Variants in DSG1 observed in about 807,000 individuals in gnomAD.
The protein encoded by DSG1 is desmoglein-1.
A neutral mutation model predicts 97.5 loss-of-function variants in DSG1; 39 were observed. The observed-to-expected ratio is 0.40, with a 90% confidence interval of 0.31 to 0.52. The LOEUF is 0.52. DSG1 is among the 20% of genes least tolerant of loss of function. The pLI, the probability that DSG1 is intolerant of heterozygous loss-of-function variation, is 0.53. For synonymous variants in DSG1, 475 were observed against 443.4 expected, an observed-to-expected ratio of 1.07 and a Z score of -0.90; for missense variants, 1,311 against 1,295.4, an observed-to-expected ratio of 1.01 and a Z score of -0.18.
intron 9 of DSG1, 32 bp from the exon 10 acceptor site, chr18:31,338,283 C>G (rs1450641750): frequency 6.2e-7 from 1 of 1,607,428 alleles, no homozygotes; most frequent in Admixed American, 1.7e-5. Context: ...AGATAGCTGA[C>G]ATTAATTTGT....
Position 31,355,557 on chromosome 18 carries a change from T to C in DSG1, c.*211T>C. On this transcript the variant is annotated 3_prime_UTR_variant, in exon 15 of 15. Coordinates refer to ENST00000257192, the MANE Select transcript of DSG1 (RefSeq NM_001942.4). ...ATAAACTTTTCTCTTATATTAGGAC[T>C]AAGGAACTAAAACTTGAGGCAGAGT... 3.4e-6 allele frequency: 2 copies of C among 587,032 alleles called. No homozygotes were observed. Among genetic ancestry groups the C allele is most frequent in the Admixed American group, 5.9e-5 (2 of 34,072 alleles). The allele number at this position is 587,032 out of a possible 1,614,324, so 36.4% of individuals were successfully genotyped here. A position where few individuals can be genotyped will look rare whatever the true frequency, so the allele number is the denominator to read the frequency against.
In DSG1 at chr18:31,344,381, C is replaced by A. The variant is rs150157557; in HGVS notation, c.1891+386C>A. On this transcript the variant is annotated intron_variant, in intron 13 of 14. Coordinates refer to ENST00000257192, the MANE Select transcript of DSG1 (RefSeq NM_001942.4). ...TACACTAATTAAAATTAAAGTACAA[C>A]CCAACTAAAATAGAGCCGTGCTCAT... is the stretch of plus-strand genomic sequence containing the variant. 2.4e-4 allele frequency among the ~76,000 whole-genome samples: 36 copies of A among 152,166 alleles called. 1 individual carries two copies. The highest frequency in any genetic ancestry group is 3.4e-3 in the Middle Eastern group (1 of 294).
chr18:31,326,680 A>G (rs2071687762), intron 2 of DSG1, 64 bp downstream of exon 2: 1 of 1,438,366 alleles, frequency 7.0e-7, no homozygotes, highest in Non-Finnish European at 9.8e-7. Flanking sequence ...GAATAACAAT[A>G]TGTTTTCTGA....
chr18:31,318,726 T>A lies in DSG1; in HGVS notation c.48+378T>A, dbSNP rs1475755532. ...TGTGTCTGGATTTTTAACCTGTTTTTTTTTTTATTTTTTTTGTGTGTTTGG... is the reference window on the plus strand; with the variant it reads ...TGTGTCTGGATTTTTAACCTGTTTTATTTTTTATTTTTTTTGTGTGTTTGG... On this transcript the variant is annotated intron_variant, in intron 1 of 14. Transcript: ENST00000257192. 2.6e-5 allele frequency among the ~76,000 whole-genome samples: 3 copies of A among 116,710 alleles called. No individual in the cohort carries two copies. In the East Asian group the frequency reaches 5.9e-4, roughly 23 times the overall value. The allele number at this position is 116,710 out of a possible 152,430, so 76.6% of individuals were successfully genotyped here. A position where few individuals can be genotyped will look rare whatever the true frequency, so the allele number is the denominator to read the frequency against.
At chr18:31,321,805 T>C (rs539314890) in intron 1 of DSG1, among the ~76,000 whole-genome samples, 1 of 152,310 alleles carries the variant, frequency 6.6e-6, no homozygotes, top group African/African-American at 2.4e-5. Context: ...CCAGAGCACT[T>C]AATTTCTGGT....
intron 5 of DSG1, among the ~76,000 whole-genome samples, chr18:31,331,262 CA>C (rs1403009964): frequency 6.6e-6 from 1 of 152,014 alleles, no homozygotes; most frequent in Non-Finnish European, 1.5e-5. Context: ...ATTTAATTCT[CA>C]CATGAATTCA....
intron 1 of DSG1, among the ~76,000 whole-genome samples, chr18:31,319,574 G>GA (rs2071641030): frequency 6.6e-6 from 1 of 152,062 alleles, no homozygotes; most frequent in Admixed American, 6.6e-5. Context: ...ATTTGGTAGG[G>GA]ATCACTGATC....
At chr18:31,333,853 TC>T in intron 7 of DSG1, 130 bp downstream of exon 7, 2 of 1,234,034 alleles carry the variant, frequency 1.6e-6, no homozygotes, top group Non-Finnish European at 2.4e-6. Context: ...CATACTTTTT[TC>T]TTGTGTTTAT....
At chr18:31,323,374 T>G (rs940721655) in intron 1 of DSG1, among the ~76,000 whole-genome samples, 5 of 152,166 alleles carry the variant, frequency 3.3e-5, no homozygotes, top group African/African-American at 9.7e-5. Flanking sequence ...GATTTTAATC[T>G]CCATCCACCT....
intron 6 of DSG1, among the ~76,000 whole-genome samples, 165 bp downstream of exon 6, chr18:31,332,032 G>A (rs1568041682): frequency 6.6e-6 from 1 of 151,808 alleles, no homozygotes; most frequent in African/African-American, 2.4e-5. Context: ...AATGAAAAAG[G>A]GAGGATTTTT....
intron 1 of DSG1, among the ~76,000 whole-genome samples, chr18:31,319,706 G>T (rs1013419313): frequency 1.3e-5 from 2 of 152,116 alleles, no homozygotes; most frequent in African/African-American, 4.8e-5. Flanking sequence ...TGATCAGCTT[G>T]TTCAGATAGG....
chr18:31,331,767 C>G lies in DSG1; in HGVS notation c.584C>G (p.Ala195Gly). The G allele has an allele frequency of 6.2e-7, 1 of 1,612,666 alleles. No homozygotes were observed. Among genetic ancestry groups the G allele is most frequent in the Middle Eastern group, 1.7e-4 (1 of 6,046 alleles). ...DEPNNLNSKI[A>G]FKIIRQEPSD... ...CCGAACAATTTGAACTCAAAAATAGCCTTCAAGATTATAAGACAAGAACCT... is the reference window on the plus strand; with the variant it reads ...CCGAACAATTTGAACTCAAAAATAGGCTTCAAGATTATAAGACAAGAACCT... Residue 195 changes from alanine to glycine, a missense_variant, in exon 6 of 15, where the codon GCC becomes GGC. Transcript: ENST00000257192.
intron 12 of DSG1, 93 bp from the exon 13 acceptor site, chr18:31,343,833 C>A (rs1037136774): frequency 1.7e-6 from 2 of 1,204,104 alleles, no homozygotes; most frequent in East Asian, 2.4e-5. Flanking sequence ...TTTAGGAAAT[C>A]TGAGGTAATT....
rs1179353097 is a variant in DSG1 at position 31,356,183 on chromosome 18, T to G, written c.*837T>G. On this transcript the variant is annotated 3_prime_UTR_variant, in exon 15 of 15. Transcript: ENST00000257192. Reference sequence around the variant, plus strand: ...TTTGACTTAAGAAAGCAAAACTCACTAAGTTTACTTCTCGAATTGAAGCAA... The same window carrying G: ...TTTGACTTAAGAAAGCAAAACTCACGAAGTTTACTTCTCGAATTGAAGCAA... 1 of 152,220 alleles carries G rather than the reference T, an allele frequency of 6.6e-6. No individual in the cohort carries two copies. The highest frequency in any genetic ancestry group is 1.5e-5 in the Non-Finnish European group (1 of 68,040). 9.4% of individuals were successfully genotyped at this position (152,220 alleles called of 1,614,324 possible).
chr18:31,331,068 C>T (rs1294488499), intron 5 of DSG1, among the ~76,000 whole-genome samples: 1 of 152,014 alleles, frequency 6.6e-6, no homozygotes, highest in Non-Finnish European at 1.5e-5. Flanking sequence ...TTCATCAAAA[C>T]TACTTATAAA....
At chr18:31,326,521 A>G in intron 1 of DSG1, 60 bp from the exon 2 acceptor site, 1 of 1,260,392 alleles carries the variant, frequency 7.9e-7, no homozygotes, top group South Asian at 1.3e-5. Flanking sequence ...TAACTGGATA[A>G]TATAAATTTT....
intron 11 of DSG1, among the ~76,000 whole-genome samples, chr18:31,341,545 G>A (rs78261536): frequency 0.013 from 1,939 of 152,170 alleles, 43 homozygotes; most frequent in African/African-American, 0.043. Flanking sequence ...AATTTAAAAC[G>A]TATTTCCAAA....
intron 14 of DSG1, among the ~76,000 whole-genome samples, chr18:31,346,727 T>C (rs2071841664): frequency 6.6e-6 from 1 of 152,210 alleles, no homozygotes; most frequent in African/African-American, 2.4e-5. Flanking sequence ...CTCATCTGTA[T>C]TTCTGCAGTA....
chr18:31,346,802 C>T (rs1297640044), intron 14 of DSG1, among the ~76,000 whole-genome samples: 1 of 152,202 alleles, frequency 6.6e-6, no homozygotes, highest in East Asian at 1.9e-4. Context: ...TCTACCACCA[C>T]TTTTAGTGTC....
Sources: allele counts gnomAD v4.1 joint callset (sites outside exome capture counted in the v4.1 genomes callset), GRCh38; gene constraint gnomAD v4.1.1; transcripts MANE v1.5; gene names NCBI Gene and HGNC (gene_info 2026-07-23, HGNC 2026-07-21).